The following GLRA2 variants were observed in gnomAD, a reference collection of about 807,000 sequenced individuals.
GLRA2 encodes glycine receptor alpha 2.
A neutral mutation model predicts 31.6 loss-of-function variants in GLRA2; 11 were observed. The observed-to-expected ratio is 0.35, with a 90% CI of 0.22 to 0.58. The LOEUF (loss-of-function observed/expected upper bound fraction) is 0.58, where lower values mean the gene tolerates loss of function less well. Ranked by LOEUF, GLRA2 falls within the 20% of genes least tolerant of loss-of-function variation. The pLI is 0.84. For synonymous variants in GLRA2, 132 were observed against 134.0 expected, an observed-to-expected ratio of 0.99 and a Z score of 0.10; for missense variants, 212 against 351.8, an observed-to-expected ratio of 0.60 and a Z score of 3.18.
At chrX:14,489,679 CA>C in the GLRA2 span, among the ~76,000 whole-genome samples, 1 of 111,476 alleles carries the variant, frequency 9.0e-6, no homozygotes, top group South Asian at 3.8e-4. Flanking sequence ...GAGGCTCTGC[CA>C]AGGAGCCCTT....
chrX:14,620,277 G>A (rs376606547), intron 7 of GLRA2, among the ~76,000 whole-genome samples: 22 of 108,328 alleles, frequency 2.0e-4, no homozygotes, highest in South Asian at 1.3e-3. Flanking sequence ...GGGGTTTCTC[G>A]GTGTGCTGAC....
intron 4 of GLRA2, among the ~76,000 whole-genome samples, chrX:14,601,872 AGT>A (rs1446684384): frequency 9.0e-6 from 1 of 111,682 alleles, no homozygotes; most frequent in Non-Finnish European, 1.9e-5. Context: ...TTTAGGCAAC[AGT>A]GTGAGAATTC....
At position 14,607,277 on chromosome X, in the gene GLRA2, CTTTTTT is replaced by C. The variant is rs372265920; in HGVS notation, c.715+19_715+24del. The C allele has an allele frequency of 1.0e-6, 1 of 981,278 alleles. No individual in the cohort carries two copies. Among genetic ancestry groups the C allele is most frequent in the South Asian group, 2.4e-5 (1 of 41,966 alleles). 80.9% of individuals were successfully genotyped at this position (981,278 alleles called of 1,213,427 possible). ...AAAGCACTACAACACTGGTAAGTTT[CTTTTTT>C]TTTTTTTTTCAGCTGTTAAACACAA... On this transcript the variant is annotated intron_variant, in intron 6 of 8. Transcript: ENST00000218075.
chrX:14,588,087 A>G (rs908929895), intron 4 of GLRA2, among the ~76,000 whole-genome samples: 1 of 110,202 alleles, frequency 9.1e-6, no homozygotes, highest in Non-Finnish European at 1.9e-5. Flanking sequence ...TTGTAGTTTT[A>G]GTAGAGACAG....
chrX:14,476,474 G>A, the GLRA2 span, among the ~76,000 whole-genome samples: 1 of 111,627 alleles, frequency 9.0e-6, no homozygotes, highest in South Asian at 3.8e-4. Flanking sequence ...TCAGAATGTG[G>A]TAAGGTAGCT....
At chrX:14,622,122 C>A (rs2090527226) in intron 7 of GLRA2, among the ~76,000 whole-genome samples, 1 of 112,367 alleles carries the variant, frequency 8.9e-6, no homozygotes, top group South Asian at 3.7e-4. Flanking sequence ...TGATGATGAG[C>A]ATTTTTTCAT....
intron 8 of GLRA2, among the ~76,000 whole-genome samples, chrX:14,693,866 A>T (rs1297782111): frequency 8.9e-6 from 1 of 112,332 alleles, no homozygotes; most frequent in Non-Finnish European, 1.9e-5. Flanking sequence ...TGGAAGTTAG[A>T]AAATATTTTG....
the GLRA2 span, among the ~76,000 whole-genome samples, chrX:14,520,709 G>A: frequency 8.9e-6 from 1 of 112,595 alleles, no homozygotes; most frequent in South Asian, 3.7e-4. Context: ...TTGTCTCTCT[G>A]CATGATGGGC....
the GLRA2 span, among the ~76,000 whole-genome samples, chrX:14,459,856 C>T: frequency 9.0e-6 from 1 of 111,703 alleles, no homozygotes; most frequent in Non-Finnish European, 1.9e-5. Flanking sequence ...GTTTGAATAC[C>T]CTTTATTGCT....
At chrX:14,475,061 C>T in the GLRA2 span, among the ~76,000 whole-genome samples, 21 of 111,805 alleles carry the variant, frequency 1.9e-4, no homozygotes, top group African/African-American at 6.2e-4. Context: ...CTAGATGGCT[C>T]ACCCATTATG....
intron 2 of GLRA2, among the ~76,000 whole-genome samples, chrX:14,532,815 C>G (rs990536966): frequency 9.0e-6 from 1 of 111,702 alleles, no homozygotes; most frequent in Admixed American, 9.5e-5. Context: ...TACATACTTT[C>G]AGGCCTCTTT....
At chrX:14,701,181 G>A (rs1031104815) in intron 8 of GLRA2, among the ~76,000 whole-genome samples, 1 of 110,774 alleles carries the variant, frequency 9.0e-6, no homozygotes, top group Non-Finnish European at 1.9e-5. Flanking sequence ...TGTGAATTGC[G>A]AAATACATCA....
the GLRA2 span, among the ~76,000 whole-genome samples, chrX:14,500,712 C>G: frequency 9.0e-6 from 1 of 111,688 alleles, no homozygotes; most frequent in African/African-American, 3.3e-5. Context: ...CACAGATGTA[C>G]AAATCCAATT....
intron 7 of GLRA2, among the ~76,000 whole-genome samples, chrX:14,633,435 T>C (rs772456067): frequency 8.9e-6 from 1 of 111,852 alleles, no homozygotes; most frequent in African/African-American, 3.2e-5. Context: ...TTCAAGGTTA[T>C]AGTAAGCTAT....
intron 8 of GLRA2, among the ~76,000 whole-genome samples, chrX:14,710,974 TCA>T (rs2091702554): frequency 8.9e-6 from 1 of 112,518 alleles, no homozygotes; most frequent in Non-Finnish European, 1.9e-5. Context: ...CCATGTTCAG[TCA>T]CAGAGTTGTT....
At chrX:14,705,234 C>T (rs1039537301) in intron 8 of GLRA2, among the ~76,000 whole-genome samples, 20 of 112,080 alleles carry the variant, frequency 1.8e-4, no homozygotes, top group Admixed American at 5.7e-4. Context: ...GCTTCCCACT[C>T]CAAGACCTTC....
At chrX:14,498,452 C>G in the GLRA2 span, among the ~76,000 whole-genome samples, 1 of 110,452 alleles carries the variant, frequency 9.1e-6, no homozygotes, top group Non-Finnish European at 1.9e-5. Flanking sequence ...AAAGTATTTT[C>G]CCCCCTAGGT....
intron 7 of GLRA2, among the ~76,000 whole-genome samples, chrX:14,612,077 C>T (rs968008722): frequency 2.7e-5 from 3 of 110,965 alleles, no homozygotes; most frequent in Admixed American, 9.7e-5. Context: ...TCTCCCTTTC[C>T]AAAAATTCTC....
chrX:14,617,036 G>C (rs2090461937), intron 7 of GLRA2, among the ~76,000 whole-genome samples: 2 of 111,675 alleles, frequency 1.8e-5, no homozygotes, highest in South Asian at 3.7e-4. Flanking sequence ...AAGCACCATT[G>C]GTACTTTAGT....
Sources: allele counts gnomAD v4.1 joint callset (sites outside exome capture counted in the v4.1 genomes callset), GRCh38; gene constraint gnomAD v4.1.1; transcripts MANE v1.5; gene names NCBI Gene and HGNC (gene_info 2026-07-23, HGNC 2026-07-21).